NKAIN2: variants seen among roughly 807,000 people sequenced by gnomAD.
The protein encoded by NKAIN2 is sodium/potassium-transporting ATPase subunit beta-1-interacting protein 2.
A neutral mutation model predicts 32.6 loss-of-function variants in NKAIN2; 14 were observed. That is an observed-to-expected ratio of 0.43 (90% CI 0.28 to 0.67). The LOEUF (loss-of-function observed/expected upper bound fraction) is 0.67, where lower values mean the gene tolerates loss of function less well. Among genes scored for constraint, NKAIN2 ranks in the 30% least tolerant of loss-of-function variants. The pLI is 0.17. For synonymous variants in NKAIN2, 80 were observed against 87.2 expected, an observed-to-expected ratio of 0.92 and a Z score of 0.46; for missense variants, 198 against 258.3, an observed-to-expected ratio of 0.77 and a Z score of 1.60.
intron 1 of NKAIN2, among the ~76,000 whole-genome samples, chr6:124,280,524 G>A (rs937062236): frequency 6.6e-6 from 1 of 152,032 alleles, no homozygotes; most frequent in Admixed American, 6.6e-5. Flanking sequence ...ACCACAGCTT[G>A]GATTCCTTAA....
chr6:124,241,033 C>G (rs528424610), intron 1 of NKAIN2, among the ~76,000 whole-genome samples: 1 of 152,292 alleles, frequency 6.6e-6, no homozygotes, highest in East Asian at 1.9e-4. Flanking sequence ...TGATAAGCAG[C>G]TTCAGCAAAG....
chr6:124,759,740 T>C (rs1270796720), intron 4 of NKAIN2, among the ~76,000 whole-genome samples: 2 of 151,680 alleles, frequency 1.3e-5, no homozygotes, highest in African/African-American at 4.8e-5. Context: ...TCTCCCAACA[T>C]TCATGTGTTG....
At chr6:124,506,042 A>G (rs1337154836) in intron 3 of NKAIN2, among the ~76,000 whole-genome samples, 1 of 152,008 alleles carries the variant, frequency 6.6e-6, no homozygotes, top group East Asian at 1.9e-4. Context: ...ATTACTGGGC[A>G]TGGTGGCAGG....
chr6:124,012,959 G>A (rs1207829255), intron 1 of NKAIN2, among the ~76,000 whole-genome samples: 1 of 152,134 alleles, frequency 6.6e-6, no homozygotes, highest in Non-Finnish European at 1.5e-5. Context: ...AGTAGTTCAT[G>A]TGAATTCCAA....
intron 3 of NKAIN2, among the ~76,000 whole-genome samples, chr6:124,570,507 T>C (rs914806246): frequency 6.6e-6 from 1 of 152,038 alleles, no homozygotes; most frequent in Non-Finnish European, 1.5e-5. Context: ...CCAGCCATGG[T>C]TGAAAGGGGC....
intron 1 of NKAIN2, among the ~76,000 whole-genome samples, chr6:124,207,251 C>T (rs1790939954): frequency 6.6e-6 from 1 of 151,214 alleles, no homozygotes. Flanking sequence ...ATGTTCATAC[C>T]ACTGTACTCC....
chr6:123,808,948 T>G (rs1406355869), intron 1 of NKAIN2, among the ~76,000 whole-genome samples: 1 of 152,198 alleles, frequency 6.6e-6, no homozygotes, highest in Non-Finnish European at 1.5e-5. Flanking sequence ...GAAACATATT[T>G]TAACATTTCT....
At chr6:124,105,220 G>A (rs572068107) in intron 1 of NKAIN2, among the ~76,000 whole-genome samples, 4 of 152,156 alleles carry the variant, frequency 2.6e-5, no homozygotes, top group African/African-American at 7.2e-5. Flanking sequence ...CTAAATCACA[G>A]CACAGCAGCA....
intron 3 of NKAIN2, among the ~76,000 whole-genome samples, chr6:124,540,599 T>C (rs1779877395): frequency 6.6e-6 from 1 of 152,214 alleles, no homozygotes; most frequent in Non-Finnish European, 1.5e-5. Flanking sequence ...TTACATCACC[T>C]CTGTAAGACT....
chr6:123,998,649 CTTA>C (rs1195480391), intron 1 of NKAIN2, among the ~76,000 whole-genome samples: 1 of 151,594 alleles, frequency 6.6e-6, no homozygotes, highest in Non-Finnish European at 1.5e-5. Flanking sequence ...ATAATCTTGT[CTTA>C]TTATGATTCA....
At chr6:124,701,777 C>T (rs1277215632) in intron 4 of NKAIN2, among the ~76,000 whole-genome samples, 3 of 152,210 alleles carry the variant, frequency 2.0e-5, no homozygotes, top group East Asian at 3.9e-4. Context: ...TTTGGAACTA[C>T]TTTTGGTCAG....
chr6:124,571,428 G>T (rs953614712), intron 3 of NKAIN2, among the ~76,000 whole-genome samples: 1 of 152,144 alleles, frequency 6.6e-6, no homozygotes, highest in Non-Finnish European at 1.5e-5. Flanking sequence ...GTTGTGGGAG[G>T]GACCCAGAAG....
At chr6:124,575,786 C>T (rs1042889592) in intron 3 of NKAIN2, among the ~76,000 whole-genome samples, 9 of 152,158 alleles carry the variant, frequency 5.9e-5, no homozygotes, top group Non-Finnish European at 8.8e-5. Flanking sequence ...CTCTTAATCT[C>T]CTTACTTTTT....
At chr6:124,470,373 G>A (rs1223348118) in intron 3 of NKAIN2, among the ~76,000 whole-genome samples, 1 of 152,084 alleles carries the variant, frequency 6.6e-6, no homozygotes, top group East Asian at 1.9e-4. Flanking sequence ...CTTTTGAAAG[G>A]AACAGTGGAG....
chr6:124,000,539 T>A (rs1208529260), intron 1 of NKAIN2, among the ~76,000 whole-genome samples: 1 of 152,070 alleles, frequency 6.6e-6, no homozygotes, highest in Non-Finnish European at 1.5e-5. Context: ...TGAAGCCGGA[T>A]GAAAAAAGAA....
intron 1 of NKAIN2, among the ~76,000 whole-genome samples, chr6:123,843,472 C>T (rs1475059208): frequency 6.6e-6 from 1 of 152,062 alleles, no homozygotes; most frequent in East Asian, 1.9e-4. Flanking sequence ...GCCCCTTTGC[C>T]AGGGGAGCTT....
chr6:124,258,271 T>C (rs1187203749), intron 1 of NKAIN2, among the ~76,000 whole-genome samples: 1 of 152,186 alleles, frequency 6.6e-6, no homozygotes, highest in Non-Finnish European at 1.5e-5. Context: ...CACAACTCTG[T>C]AGATTTGTAT....
chr6:124,581,312 G>A (rs966657219), intron 3 of NKAIN2, among the ~76,000 whole-genome samples: 1 of 151,568 alleles, frequency 6.6e-6, no homozygotes, highest in Non-Finnish European at 1.5e-5. Flanking sequence ...GGTGGCGGGC[G>A]CCTGTAGTCC....
Position 123,892,893 on chromosome 6 carries a change from G to C in NKAIN2, c.54+88639G>C, listed in dbSNP as rs552926817. On this transcript the variant is annotated intron_variant, in intron 1 of 6. Transcript: ENST00000368417. ...CCATATACCTCAAATTTCTTGCCTTGATATTGATTGAGCTCAATCATCACG... is the reference window on the plus strand; with the variant it reads ...CCATATACCTCAAATTTCTTGCCTTCATATTGATTGAGCTCAATCATCACG... Among the ~76,000 whole-genome samples the C allele has an allele frequency of 2.6e-5, 4 of 151,366 alleles. No homozygotes were observed. The South Asian group carries it at 8.4e-4, about 32-fold the overall frequency.
Sources: gnomAD v4.1 joint callset for allele counts (sites outside exome capture counted in the v4.1 genomes callset) on GRCh38, gnomAD v4.1.1 for gene constraint, MANE v1.5 for transcripts, NCBI Gene and HGNC (gene_info 2026-07-23, HGNC 2026-07-21) for gene names.